Variants in DOP1A observed in about 807,000 individuals in gnomAD.
DOP1A encodes protein DOP1A.
Under a neutral mutation model 267.6 loss-of-function variants are expected in DOP1A, and 90 were observed. The ratio of observed to expected loss-of-function variants is 0.34; its 90% CI spans 0.28 to 0.40. DOP1A has a LOEUF of 0.40. DOP1A is among the 10% of genes least tolerant of loss of function. The probability of loss-of-function intolerance (pLI) is 1.00; values close to 1 mark genes in which losing one functional copy is unlikely to be tolerated. For missense variants in DOP1A, 2,437 were observed against 2,900.4 expected (o/e 0.84, Z 3.67); for synonymous variants, 932 against 999.1 (o/e 0.93, Z 1.27).
At position 83,125,210 on chromosome 6, in the gene DOP1A, C is replaced by G. The variant is rs1776969156; in HGVS notation, c.1485+15C>G. 6.4e-7 allele frequency: 1 copy of G among 1,557,842 alleles called. No homozygotes were observed. The highest frequency in any genetic ancestry group is 1.4e-5 in the African/African-American group (1 of 71,560). ...TGCTGTGTCAGGTATGACATTCAGCCTGTTTTGTTTTTAAATGATTCTATT... is the reference window on the plus strand; with the variant it reads ...TGCTGTGTCAGGTATGACATTCAGCGTGTTTTGTTTTTAAATGATTCTATT... On this transcript the variant is annotated intron_variant, in intron 14 of 38. Coordinates refer to ENST00000349129, the MANE Select transcript of DOP1A (RefSeq NM_015018.4).
intron 25 of DOP1A, among the ~76,000 whole-genome samples, chr6:83,146,416 G>A (rs1285847009): frequency 2.0e-5 from 3 of 152,204 alleles, no homozygotes; most frequent in Admixed American, 6.5e-5. Context: ...GGAGTAAGAT[G>A]TGTGTGAATA....
chr6:83,102,360 G>T (rs1356859135), intron 4 of DOP1A, among the ~76,000 whole-genome samples: 1 of 152,188 alleles, frequency 6.6e-6, no homozygotes, highest in African/African-American at 2.4e-5. Flanking sequence ...GGTCAAACTA[G>T]CTCTGTGATC....
At chr6:83,149,798 T>C (rs1455026738) in intron 27 of DOP1A, among the ~76,000 whole-genome samples, 1 of 151,692 alleles carries the variant, frequency 6.6e-6, no homozygotes, top group Admixed American at 6.6e-5. Context: ...GCAAAGGAGA[T>C]AGAAAGGGAA....
intron 26 of DOP1A, 124 bp downstream of exon 26, chr6:83,147,415 A>G (rs1377920482): frequency 7.1e-6 from 3 of 421,006 alleles, no homozygotes; most frequent in Non-Finnish European, 1.2e-5. Context: ...CTACAAACCT[A>G]AAGACCTAAG....
chr6:83,120,804 G>A lies in DOP1A; in HGVS notation c.1099+13G>A. The A allele has an allele frequency of 1.3e-6, 2 of 1,482,220 alleles. No individual in the cohort carries two copies. Among genetic ancestry groups the A allele is most frequent in the Non-Finnish European group, 1.8e-6 (2 of 1,090,860 alleles). 91.8% of individuals were successfully genotyped at this position (1,482,220 alleles called of 1,614,324 possible). A position where few individuals can be genotyped will look rare whatever the true frequency, so the allele number is the denominator to read the frequency against. ...AAACCTGAGCTAGGTAATGTATACT[G>A]TCCTAGGGCATAAGGTCATGTGTGG... On this transcript the variant is annotated intron_variant, in intron 10 of 38. Transcript: ENST00000349129.
intron 4 of DOP1A, among the ~76,000 whole-genome samples, chr6:83,102,223 A>G (rs914666447): frequency 1.3e-5 from 2 of 152,232 alleles, no homozygotes; most frequent in Admixed American, 6.5e-5. Context: ...CTATCCATTT[A>G]TATAACCCTC....
intron 27 of DOP1A, among the ~76,000 whole-genome samples, chr6:83,150,194 G>T (rs953223003): frequency 5.3e-5 from 8 of 152,164 alleles, no homozygotes; most frequent in African/African-American, 1.7e-4. Flanking sequence ...GGCAACATAG[G>T]GAGACTGTGT....
At position 83,167,441 on chromosome 6, in the gene DOP1A, G is replaced by T. The variant is rs932604135; in HGVS notation, c.7093-421G>T. ...GAATTAACTAATTATAATAAAAGGG[G>T]ATATATTATGAAATGTATAAAGCAC... On this transcript the variant is annotated intron_variant, in intron 38 of 38. Transcript: ENST00000349129. 5.1e-6 allele frequency: 5 copies of T among 980,712 alleles called. No individual in the cohort carries two copies. In the African/African-American group the frequency reaches 7.0e-5, roughly 14 times the overall value. 60.8% of individuals were successfully genotyped at this position (980,712 alleles called of 1,614,324 possible).
intron 24 of DOP1A, among the ~76,000 whole-genome samples, chr6:83,143,836 C>G (rs1780027893): frequency 6.6e-6 from 1 of 152,008 alleles, no homozygotes; most frequent in Admixed American, 6.6e-5. Flanking sequence ...AATAAAAGTC[C>G]TCAGGAATGA....
intron 1 of DOP1A, among the ~76,000 whole-genome samples, chr6:83,077,394 C>T (rs1230445931): frequency 6.6e-6 from 1 of 152,086 alleles, no homozygotes; most frequent in Non-Finnish European, 1.5e-5. Flanking sequence ...ATAGGCTGGG[C>T]ACAGTGGCTC....
chr6:83,073,305 CTCTATCTCCTGACCTCAGGTGA>C (rs1220842872), intron 1 of DOP1A, among the ~76,000 whole-genome samples: 2 of 152,124 alleles, frequency 1.3e-5, no homozygotes, highest in African/African-American at 4.8e-5. Flanking sequence ...CCAGGCTGGT[CTCTATCTCCTGACCTCAGGTGA>C]TCTGCCCGCC....
intron 8 of DOP1A, among the ~76,000 whole-genome samples, chr6:83,119,425 G>T (rs890753763): frequency 4.6e-5 from 7 of 152,030 alleles, no homozygotes; most frequent in African/African-American, 1.4e-4. Context: ...TGTGTGTTTT[G>T]TCTGTCTTCA....
chr6:83,156,384 G>A (rs1012881836), intron 34 of DOP1A, among the ~76,000 whole-genome samples: 4 of 152,078 alleles, frequency 2.6e-5, no homozygotes, highest in Non-Finnish European at 4.4e-5. Flanking sequence ...ATTTTGCTGC[G>A]GGCAGTCATG....
Position 83,130,321 on chromosome 6 carries a change from G to A in DOP1A, c.2540G>A (p.Arg847Lys), listed in dbSNP as rs972564264. 21 of 1,613,982 alleles carry A rather than the reference G, an allele frequency of 1.3e-5. No homozygotes were observed. Among genetic ancestry groups the A allele is most frequent in the Non-Finnish European group, 1.7e-5 (20 of 1,179,998 alleles). The part of the protein sequence containing the change: ...PAQPLSPNQG[R>K]VAVVIRPPLT... The stretch of plus-strand genomic sequence containing the variant: ...CAACCCTTAAGTCCAAACCAGGGAA[G>A]AGTAGCTGTGGTTATTAGACCTCCC... The change falls in exon 17 of 39, where the codon AGA (arginine) becomes AAA (lysine). Residue 847 changes from arginine (R) to lysine (K), a missense_variant. Physicochemically the swap from Arg to Lys is conservative, Grantham distance 26. Around this residue, in one of 9 missense-constraint regions of DOP1A, gnomAD observed 878 missense variants for 992.9 expected, o/e 0.88. Transcript: ENST00000349129.
At chr6:83,130,821 T>C (rs979573515) in intron 17 of DOP1A, among the ~76,000 whole-genome samples, 4 of 151,904 alleles carry the variant, frequency 2.6e-5, no homozygotes, top group African/African-American at 4.8e-5. Flanking sequence ...TCACTGCAAC[T>C]TCTGCCTCCT....
At chr6:83,163,028 TTTTGAAA>T (rs2128429457) in intron 38 of DOP1A, 109 bp downstream of exon 38, 1 of 1,304,104 alleles carries the variant, frequency 7.7e-7, no homozygotes, top group Non-Finnish European at 1.0e-6. Context: ...AGTTGAGCTA[TTTTGAAA>T]ACAAGTCCCC....
intron 1 of DOP1A, among the ~76,000 whole-genome samples, chr6:83,077,930 A>T (rs1481877138): frequency 6.6e-6 from 1 of 152,236 alleles, no homozygotes; most frequent in African/African-American, 2.4e-5. Flanking sequence ...CTTGGGCCAC[A>T]TTCAAAACTG....
At chr6:83,125,757 T>C in intron 15 of DOP1A, 24 bp downstream of exon 15, 2 of 1,569,584 alleles carry the variant, frequency 1.3e-6, no homozygotes, top group East Asian at 4.5e-5. Context: ...TTATTTTTGG[T>C]ATTAGACTGT....
At chr6:83,069,371 G>A (rs949381233) in intron 1 of DOP1A, among the ~76,000 whole-genome samples, 2 of 152,128 alleles carry the variant, frequency 1.3e-5, no homozygotes, top group East Asian at 3.9e-4. Flanking sequence ...AACCTTTACT[G>A]TTATGCTGAT....
Sources: gnomAD v4.1 joint callset for allele counts (sites outside exome capture counted in the v4.1 genomes callset) on GRCh38, gnomAD v4.1.1 for gene constraint, gnomAD v4.1.1 regional missense constraint, MANE v1.5 for transcripts, NCBI Gene and HGNC (gene_info 2026-07-23, HGNC 2026-07-21) for gene names.